ZNF280C: variants seen among roughly 807,000 people sequenced by gnomAD.
The protein encoded by ZNF280C is suppressor of hairy wing homolog 3.
In ZNF280C, 14 loss-of-function variants were observed where a neutral mutation model predicts 53.6. The observed-to-expected ratio is 0.26, with a 90% CI of 0.17 to 0.41. The LOEUF is 0.41. Ranked by LOEUF, ZNF280C falls within the 10% of genes least tolerant of loss-of-function variation. The pLI is 1.00. For missense variants in ZNF280C, 416 were observed against 547.1 expected, an observed-to-expected ratio of 0.76 and a Z score of 2.39; for synonymous variants, 203 against 181.1, an observed-to-expected ratio of 1.12 and a Z score of -0.97.
chrX:130,210,842 C>T (rs182177645), intron 15 of ZNF280C, among the ~76,000 whole-genome samples: 9 of 112,612 alleles, frequency 8.0e-5, no homozygotes, highest in Non-Finnish European at 1.7e-4. Flanking sequence ...CACAGTATTA[C>T]TCAAAGTGTG....
intron 1 of ZNF280C, among the ~76,000 whole-genome samples, chrX:130,266,955 G>C (rs2032695516): frequency 9.0e-6 from 1 of 111,134 alleles, no homozygotes; most frequent in Non-Finnish European, 1.9e-5. Context: ...ACAAAAATTA[G>C]CCGGGCGTGG....
At chrX:130,223,251 T>A (rs769208180) in intron 12 of ZNF280C, among the ~76,000 whole-genome samples, 1 of 110,707 alleles carries the variant, frequency 9.0e-6, no homozygotes, top group Non-Finnish European at 1.9e-5. Context: ...AGAGACAGGG[T>A]TTCACCATGT....
Position 130,204,877 on chromosome X carries a change from G to T in ZNF280C, c.*100C>A. On this transcript the variant is annotated 3_prime_UTR_variant, in exon 19 of 19. Transcript: ENST00000370978. ...GAGAGCTAGTGTCATAAACTTGGCT[G>T]TTTAACTGCCCTTTGTGTGAGAAAA... 1.2e-6 allele frequency: 1 copy of T among 810,057 alleles called. No homozygotes were observed. The highest frequency in any genetic ancestry group is 1.7e-6 in the Non-Finnish European group (1 of 598,684). 66.8% of individuals were successfully genotyped at this position (810,057 alleles called of 1,213,427 possible). A position where few individuals can be genotyped will look rare whatever the true frequency, so the allele number is the denominator to read the frequency against.
At chrX:130,205,479 A>G in intron 16 of ZNF280C, 64 bp from the exon 17 acceptor site, 2 of 786,138 alleles carry the variant, frequency 2.5e-6, no homozygotes, top group Middle Eastern at 4.6e-4. Context: ...TATGAGCTCA[A>G]TAATTACTTT....
intron 15 of ZNF280C, among the ~76,000 whole-genome samples, chrX:130,211,752 T>C (rs1317422460): frequency 8.9e-6 from 1 of 111,930 alleles, no homozygotes; most frequent in Non-Finnish European, 1.9e-5. Flanking sequence ...AAGGTAACTT[T>C]AGGTCAATTG....
intron 2 of ZNF280C, among the ~76,000 whole-genome samples, chrX:130,251,304 A>AAAAAAAAAAAAAAAAC: frequency 2.9e-5 from 3 of 103,700 alleles, no homozygotes; most frequent in Admixed American, 1.0e-4. Context: ...AAAAAAAAAA[A>AAAAAAAAAAAAAAAAC]AAAGACCAGC....
At chrX:130,267,320 G>A (rs1407862906) in intron 1 of ZNF280C, among the ~76,000 whole-genome samples, 1 of 111,461 alleles carries the variant, frequency 9.0e-6, no homozygotes, top group African/African-American at 3.3e-5. Context: ...AAAGGAAAAA[G>A]GAATTGAATA....
At chrX:130,235,169 G>A (rs1310946868) in intron 8 of ZNF280C, among the ~76,000 whole-genome samples, 1 of 112,309 alleles carries the variant, frequency 8.9e-6, no homozygotes, top group Non-Finnish European at 1.9e-5. Context: ...TTTGAAGAAT[G>A]TCATAATTTA....
intron 14 of ZNF280C, among the ~76,000 whole-genome samples, 162 bp from the exon 15 acceptor site, chrX:130,215,495 T>TA (rs1339113873): frequency 8.9e-6 from 1 of 112,076 alleles, no homozygotes; most frequent in Non-Finnish European, 1.9e-5. Context: ...AGAGTAAGTG[T>TA]AAAAAATTTA....
intron 16 of ZNF280C, among the ~76,000 whole-genome samples, chrX:130,207,806 C>A (rs1339746794): frequency 8.9e-6 from 1 of 112,184 alleles, no homozygotes; most frequent in Non-Finnish European, 1.9e-5. Context: ...TTTCTTCCAA[C>A]TAGAATGCCC....
intron 2 of ZNF280C, among the ~76,000 whole-genome samples, chrX:130,255,290 G>A (rs1169681620): frequency 9.7e-6 from 1 of 103,166 alleles, no homozygotes; most frequent in East Asian, 3.0e-4. Context: ...ACAGGCGCCC[G>A]CCACTACGCC....
rs1603238494 is a variant in ZNF280C at position 130,205,420 on chromosome X, G to GA, written c.2043-6dup. ...AGGCACACTAGAGTAATGCCCCTAT[G>GA]AAAAAAAAGAAGACAGTAAGAAATA... On this transcript the variant is annotated splice_polypyrimidine_tract_variant and splice_region_variant and intron_variant, in intron 16 of 18. Coordinates refer to ENST00000370978, the MANE Select transcript of ZNF280C (RefSeq NM_017666.5). The GA allele has an allele frequency of 3.2e-5, 35 of 1,085,439 alleles. No homozygotes were observed. Among genetic ancestry groups the GA allele is most frequent in the Admixed American group, 7.7e-5 (3 of 38,862 alleles). The allele number at this position is 1,085,439 out of a possible 1,213,427, so 89.5% of individuals were successfully genotyped here.
intron 13 of ZNF280C, among the ~76,000 whole-genome samples, chrX:130,217,053 T>C (rs2032112611): frequency 8.9e-6 from 1 of 111,771 alleles, no homozygotes. Flanking sequence ...GGCAGTTTCT[T>C]AAAATATTAA....
At chrX:130,208,416 C>G (rs1178540470) in intron 16 of ZNF280C, among the ~76,000 whole-genome samples, 2 of 111,424 alleles carry the variant, frequency 1.8e-5, no homozygotes, top group African/African-American at 6.5e-5. Context: ...AGGTGTGAGC[C>G]ACTGCACCCG....
chrX:130,226,097 C>A (rs899486359), intron 12 of ZNF280C, among the ~76,000 whole-genome samples: 3 of 112,222 alleles, frequency 2.7e-5, no homozygotes, highest in Non-Finnish European at 3.8e-5. Context: ...ACTGGTATCC[C>A]AGAAATTATA....
rs2032609397 is a variant in ZNF280C, at chrX:130,259,651, A to G, written c.31+768T>C. ...GAAACATTTCATATCTATTACTGACATGTTTACTGTATTTTTTTTTAAACT... is the reference window on the plus strand; with the variant it reads ...GAAACATTTCATATCTATTACTGACGTGTTTACTGTATTTTTTTTTAAACT... On this transcript the variant is annotated intron_variant, in intron 2 of 18. Coordinates refer to ENST00000370978, the MANE Select transcript of ZNF280C (RefSeq NM_017666.5). 7.1e-5 allele frequency among the ~76,000 whole-genome samples: 8 copies of G among 112,663 alleles called. No individual in the cohort carries two copies. In the South Asian group the frequency reaches 2.9e-3, roughly 41 times the overall value.
chrX:130,221,094 C>T (rs2032159045), intron 12 of ZNF280C, among the ~76,000 whole-genome samples: 1 of 111,326 alleles, frequency 9.0e-6, no homozygotes, highest in Non-Finnish European at 1.9e-5. Context: ...CTAGTAGTTA[C>T]TGGTGCATAA....
intron 12 of ZNF280C, among the ~76,000 whole-genome samples, chrX:130,224,978 C>T (rs781684738): frequency 1.8e-5 from 2 of 111,828 alleles, no homozygotes; most frequent in Non-Finnish European, 3.8e-5. Context: ...GCCAGTTATA[C>T]AAGCAGGCAC....
At chrX:130,213,441 G>C (rs764989078) in intron 15 of ZNF280C, among the ~76,000 whole-genome samples, 2 of 112,098 alleles carry the variant, frequency 1.8e-5, no homozygotes, top group African/African-American at 6.5e-5. Flanking sequence ...TAAAGATCAT[G>C]AATTCAGAGC....
Sources: gnomAD v4.1 joint callset for allele counts (sites outside exome capture counted in the v4.1 genomes callset) on GRCh38, gnomAD v4.1.1 for gene constraint, MANE v1.5 for transcripts, NCBI Gene and HGNC (gene_info 2026-07-23, HGNC 2026-07-21) for gene names.